The following FSTL4 variants were observed in gnomAD, a reference collection of about 807,000 sequenced individuals.
FSTL4 encodes follistatin-related protein 4.
FSTL4 carries 28 observed loss-of-function variants against 78.2 expected under a neutral mutation model. That is an observed-to-expected ratio of 0.36 (90% CI 0.27 to 0.49). FSTL4 has a LOEUF of 0.49. FSTL4 is among the 20% of genes least tolerant of loss of function. The pLI, the probability that FSTL4 is intolerant of heterozygous loss-of-function variation, is 0.98. For missense variants in FSTL4, 922 were observed against 1,084.9 expected, an observed-to-expected ratio of 0.85 and a Z score of 2.11; for synonymous variants, 422 against 440.5, an observed-to-expected ratio of 0.96 and a Z score of 0.53.
chr5:133,320,955 C>T (rs888366304), intron 4 of FSTL4, among the ~76,000 whole-genome samples: 2 of 135,624 alleles, frequency 1.5e-5, no homozygotes, highest in African/African-American at 5.7e-5. Flanking sequence ...TGCAGTGAGC[C>T]GAGATCACGC....
the FSTL4 span, among the ~76,000 whole-genome samples, chr5:133,702,795 T>C: frequency 1.3e-5 from 2 of 152,134 alleles, no homozygotes; most frequent in African/African-American, 2.4e-5. Flanking sequence ...TGAGAGCAGA[T>C]TCCAGGGCAG....
Position 133,313,714 on chromosome 5 carries a change from T to G in FSTL4, c.604-937A>C, listed in dbSNP as rs139680625. ...CTGTATTAAAGGCAATTTAATGTGA[T>G]AATGTTAAAAAAATGACCCTTCACC... is the stretch of plus-strand genomic sequence containing the variant. On this transcript the variant is annotated intron_variant, in intron 5 of 15. Transcript: ENST00000265342. 4.5e-3 allele frequency among the ~76,000 whole-genome samples: 687 copies of G among 152,276 alleles called. 6 individuals are homozygous for G. The highest frequency in any genetic ancestry group is 0.016 in the African/African-American group (662 of 41,556).
At chr5:133,339,512 T>C (rs571470219) in intron 4 of FSTL4, among the ~76,000 whole-genome samples, 1 of 152,186 alleles carries the variant, frequency 6.6e-6, no homozygotes, top group South Asian at 2.1e-4. Flanking sequence ...CTTCCTCTAC[T>C]TGTCCACATG....
chr5:133,240,685 C>A (rs73788008), intron 7 of FSTL4, among the ~76,000 whole-genome samples: 4,712 of 152,188 alleles, frequency 0.031, 241 homozygotes, highest in African/African-American at 0.11. Flanking sequence ...CTCATCTCTT[C>A]GCGCATGACT....
At chr5:133,253,621 T>G (rs1752314957) in intron 6 of FSTL4, among the ~76,000 whole-genome samples, 1 of 152,154 alleles carries the variant, frequency 6.6e-6, no homozygotes, top group Non-Finnish European at 1.5e-5. Flanking sequence ...CCACTAAGGC[T>G]TCCCTCCCGA....
the FSTL4 span, among the ~76,000 whole-genome samples, chr5:133,644,989 T>G: frequency 6.6e-6 from 1 of 152,182 alleles, no homozygotes; most frequent in Non-Finnish European, 1.5e-5. Flanking sequence ...TAGGGCTCTG[T>G]GAATGTTATT....
chr5:133,780,062 G>A, the FSTL4 span, among the ~76,000 whole-genome samples: 1 of 152,182 alleles, frequency 6.6e-6, no homozygotes, highest in African/African-American at 2.4e-5. Flanking sequence ...CCTCACCAGG[G>A]ACAAGAGGGC....
At chr5:133,254,517 A>G (rs1752335995) in intron 6 of FSTL4, among the ~76,000 whole-genome samples, 1 of 152,154 alleles carries the variant, frequency 6.6e-6, no homozygotes, top group South Asian at 2.1e-4. Context: ...TGGCTAATGG[A>G]AAGGGTATAT....
At chr5:133,288,880 C>A (rs1237260171) in intron 6 of FSTL4, among the ~76,000 whole-genome samples, 1 of 144,564 alleles carries the variant, frequency 6.9e-6, no homozygotes, top group African/African-American at 2.9e-5. Flanking sequence ...TCCTCGGTTA[C>A]AGGAAAACTG....
At chr5:133,688,277 G>C in the FSTL4 span, among the ~76,000 whole-genome samples, 1 of 152,182 alleles carries the variant, frequency 6.6e-6, no homozygotes, top group Non-Finnish European at 1.5e-5. Flanking sequence ...GCCAGGCGTG[G>C]TGAAGTATGC....
chr5:133,683,041 C>T, the FSTL4 span, among the ~76,000 whole-genome samples: 1 of 152,178 alleles, frequency 6.6e-6, no homozygotes, highest in African/African-American at 2.4e-5. Context: ...GTGGTTGAAG[C>T]CTTTGCACAT....
intron 3 of FSTL4, among the ~76,000 whole-genome samples, chr5:133,475,545 T>C (rs941654981): frequency 6.6e-6 from 1 of 152,242 alleles, no homozygotes; most frequent in Non-Finnish European, 1.5e-5. Flanking sequence ...TTATTTTCAA[T>C]AGCCCTGCTA....
intron 3 of FSTL4, among the ~76,000 whole-genome samples, chr5:133,503,634 C>A (rs1758545894): frequency 6.6e-6 from 1 of 152,198 alleles, no homozygotes; most frequent in Non-Finnish European, 1.5e-5. Flanking sequence ...TTGCCCCAGA[C>A]AATTTTAGCC....
chr5:133,370,295 G>C (rs1755266580), intron 4 of FSTL4, among the ~76,000 whole-genome samples: 1 of 152,142 alleles, frequency 6.6e-6, no homozygotes, highest in African/African-American at 2.4e-5. Flanking sequence ...TTGGCAGGCT[G>C]GGCTGTGGGC....
At chr5:133,751,178 G>T in the FSTL4 span, among the ~76,000 whole-genome samples, 3 of 152,072 alleles carry the variant, frequency 2.0e-5, no homozygotes, top group Non-Finnish European at 4.4e-5. Flanking sequence ...CTGTCCCAAA[G>T]GCCCCCAAGC....
At chr5:133,818,946 T>TATATATATATATATATATATATATATA in the FSTL4 span, among the ~76,000 whole-genome samples, 1 of 130,490 alleles carries the variant, frequency 7.7e-6, no homozygotes, top group African/African-American at 3.0e-5. Context: ...TATATATATA[T>TATATATATATATATATATATATATATA]GTACACACAC....
chr5:133,735,371 G>C, the FSTL4 span, among the ~76,000 whole-genome samples: 1 of 152,152 alleles, frequency 6.6e-6, no homozygotes, highest in South Asian at 2.1e-4. Context: ...GGCTGAGGCA[G>C]GAAAATCACT....
intron 13 of FSTL4, 99 bp downstream of exon 13, chr5:133,217,130 C>A: frequency 1.1e-6 from 1 of 933,338 alleles, no homozygotes; most frequent in Non-Finnish European, 1.7e-6. Context: ...AGTCTGACCA[C>A]CTGGCACAGG....
At chr5:133,370,697 C>T (rs898990229) in intron 4 of FSTL4, among the ~76,000 whole-genome samples, 14 of 151,834 alleles carry the variant, frequency 9.2e-5, no homozygotes, top group South Asian at 2.1e-4. Context: ...AGGGATGAGG[C>T]GGTGCTGTGG....
Sources: allele counts gnomAD v4.1 joint callset (sites outside exome capture counted in the v4.1 genomes callset), GRCh38; gene constraint gnomAD v4.1.1; transcripts MANE v1.5; gene names NCBI Gene and HGNC (gene_info 2026-07-23, HGNC 2026-07-21).